NEB: variants seen among roughly 807,000 people sequenced by gnomAD.
The protein encoded by NEB is nemaline myopathy type 2.
A neutral mutation model predicts 952.2 loss-of-function variants in NEB; 512 were observed. The ratio of observed to expected loss-of-function variants is 0.54; its 90% confidence interval spans 0.50 to 0.58. The LOEUF (loss-of-function observed/expected upper bound fraction) is 0.58. NEB is among the 20% of genes least tolerant of loss of function. The pLI, the probability that NEB is intolerant of heterozygous loss-of-function variation, is 0.00. For synonymous variants in NEB, 2,900 were observed against 3,149.8 expected, an observed-to-expected ratio of 0.92 and a Z score of 2.66; for missense variants, 8,428 against 9,231.1, an observed-to-expected ratio of 0.91 and a Z score of 3.56.
chr2:151,516,340 G>C, intron 157 of NEB, 119 bp downstream of exon 157: 1 of 624,638 alleles, frequency 1.6e-6, no homozygotes, highest in South Asian at 2.4e-5. Context: ...GTGATCACAT[G>C]ATAAAAAGTT....
chr2:151,672,452 T>G lies in NEB; in HGVS notation c.4216A>C (p.Lys1406Gln). The change falls in exon 37 of 182, where the codon AAA becomes CAA. Residue 1406 changes from lysine to glutamine, a missense_variant. Lys to Gln is a moderately conservative substitution (Grantham distance 53). Coordinates refer to ENST00000397345, the MANE Select transcript of NEB (RefSeq NM_001164508.2). Reference protein sequence around the residue: ...AQDVATNVNYKQPLHHYTYLP... With the variant: ...AQDVATNVNYQQPLHHYTYLP... ...TATGTGTAATGATGCAATGGCTGTT[T>G]GTAGTTGACATTGGTAGCGACATCC... is the stretch of plus-strand genomic sequence containing the variant. The G allele has an allele frequency of 6.2e-7, 1 of 1,613,996 alleles. No homozygotes were observed. The highest frequency in any genetic ancestry group is 8.5e-7 in the Non-Finnish European group (1 of 1,179,860).
chr2:151,541,169 A>G (rs2094002874), intron 136 of NEB, among the ~76,000 whole-genome samples: 1 of 152,186 alleles, frequency 6.6e-6, no homozygotes, highest in South Asian at 2.1e-4. Context: ...GATAACAGGA[A>G]GATTCTATAG....
intron 107 of NEB, among the ~76,000 whole-genome samples, chr2:151,575,345 T>A (rs1250477721): frequency 6.6e-6 from 1 of 152,236 alleles, no homozygotes; most frequent in Non-Finnish European, 1.5e-5. Context: ...CATATATTTT[T>A]ACAAAGACTT....
At chr2:151,713,254 G>T (rs1228662457) in intron 10 of NEB, among the ~76,000 whole-genome samples, 1 of 152,196 alleles carries the variant, frequency 6.6e-6, no homozygotes, top group Non-Finnish European at 1.5e-5. Flanking sequence ...TACAAAGCCA[G>T]TTAATTACCC....
chr2:151,623,935 A>G (rs1301503948), intron 71 of NEB, among the ~76,000 whole-genome samples: 1 of 152,208 alleles, frequency 6.6e-6, no homozygotes, highest in Non-Finnish European at 1.5e-5. Context: ...TTCAAAGGAG[A>G]GAACACTTTT....
rs961699407 is a variant in NEB at position 151,663,504 on chromosome 2, T to A, written c.5763+44A>T. ...ATTGCTTATGGTCACTCATGGTTGCTTATTATCCAGAGTAAACGCTCTGCA... is the reference window on the plus strand; with the variant it reads ...ATTGCTTATGGTCACTCATGGTTGCATATTATCCAGAGTAAACGCTCTGCA... On this transcript the variant is annotated intron_variant, in intron 45 of 181. Coordinates refer to ENST00000397345, the MANE Select transcript of NEB (RefSeq NM_001164508.2). The A allele has an allele frequency of 5.8e-6, 9 of 1,539,006 alleles. No homozygotes were observed. The African/African-American group carries it at 9.6e-5, about 16-fold the overall frequency.
At position 151,724,971 on chromosome 2, in the gene NEB, T is replaced by C; in HGVS notation, c.403-10A>G. The C allele has an allele frequency of 6.2e-7, 1 of 1,603,086 alleles. No individual in the cohort carries two copies. The highest frequency in any genetic ancestry group is 1.1e-5 in the South Asian group (1 of 90,836). ...CCATTCGATACTTAACCTGCCCAAA[T>C]AATGCACAGTTAGAGTTCATGACAG... On this transcript the variant is annotated splice_polypyrimidine_tract_variant and intron_variant, in intron 6 of 181. Coordinates refer to ENST00000397345, the MANE Select transcript of NEB (RefSeq NM_001164508.2).
intron 41 of NEB, 32 bp from the exon 42 acceptor site, chr2:151,665,571 A>G (rs776532793): frequency 1.7e-5 from 25 of 1,509,924 alleles, no homozygotes; most frequent in Middle Eastern, 1.7e-4. Flanking sequence ...TTCATTTCAG[A>G]AAGAGTCAGG....
At position 151,665,320 on chromosome 2, in the gene NEB, G is replaced by C; in HGVS notation, c.5238+13C>G. The C allele has an allele frequency of 6.2e-7, 1 of 1,612,736 alleles. No individual in the cohort carries two copies. Among genetic ancestry groups the C allele is most frequent in the Non-Finnish European group, 8.5e-7 (1 of 1,179,152 alleles). Reference sequence around the variant, plus strand: ...GAGGGTTCCCTGGGCGAGGCTGGCAGGTGAGTCCTTACCTTGTCCATGTTC... The same window carrying C: ...GAGGGTTCCCTGGGCGAGGCTGGCACGTGAGTCCTTACCTTGTCCATGTTC... On this transcript the variant is annotated intron_variant, in intron 42 of 181. Transcript: ENST00000397345.
intron 73 of NEB, among the ~76,000 whole-genome samples, chr2:151,619,125 C>T (rs1042436220): frequency 6.6e-6 from 1 of 152,166 alleles, no homozygotes; most frequent in Non-Finnish European, 1.5e-5. Flanking sequence ...CAAACACACA[C>T]ATTTTTTTAC....
At position 151,650,626 on chromosome 2, in the gene NEB, G is replaced by C; in HGVS notation, c.7175C>G (p.Pro2392Arg). ...AGCTTGCACAACATCGTTCTGATCA[G>C]GCAGACATGTCCACTGATGCAGGTA... ...KNYLHQWTCL[P>R]DQNDVVQAKK... is the part of the protein sequence containing the mutation. Residue 2392 changes from proline (P) to arginine (R), a missense_variant, in exon 53 of 182, where the codon CCT becomes CGT. Pro to Arg is a moderately radical substitution (Grantham distance 103). Transcript: ENST00000397345. 6 of 1,610,298 alleles carry C rather than the reference G, an allele frequency of 3.7e-6. No individual in the cohort carries two copies. Among genetic ancestry groups the C allele is most frequent in the Non-Finnish European group, 5.1e-6 (6 of 1,177,604 alleles).
intron 81 of NEB, among the ~76,000 whole-genome samples, chr2:151,608,955 A>G (rs138602456): frequency 0.02 from 2,621 of 132,224 alleles, 541 homozygotes; most frequent in Non-Finnish European, 0.035. Context: ...ACATTTAATG[A>G]AAAAATTGGC....
chr2:151,667,998 T>C (rs2099241490), intron 39 of NEB, 87 bp from the exon 40 acceptor site: 1 of 951,412 alleles, frequency 1.1e-6, no homozygotes, highest in Non-Finnish European at 1.6e-6. Context: ...ATAAAACATG[T>C]CGTAATAGAT....
intron 107 of NEB, among the ~76,000 whole-genome samples, chr2:151,574,491 G>A (rs2096761105): frequency 6.6e-6 from 1 of 152,070 alleles, no homozygotes; most frequent in Non-Finnish European, 1.5e-5. Context: ...TCTTAACTAA[G>A]ATTTTATTTT....
chr2:151,569,192 T>G, intron 110 of NEB, 76 bp downstream of exon 110: 2 of 1,162,570 alleles, frequency 1.7e-6, no homozygotes, highest in East Asian at 4.7e-5. Context: ...TGATATTAGA[T>G]GACTATATTT....
chr2:151,522,021 T>C (rs571467230), intron 153 of NEB, among the ~76,000 whole-genome samples: 35 of 152,336 alleles, frequency 2.3e-4, no homozygotes, highest in African/African-American at 6.3e-4. Context: ...CTTTTTCCCA[T>C]TAACCATGGG....
chr2:151,531,841 T>A lies in NEB; in HGVS notation c.21473A>T (p.Asp7158Val). 1 of 1,613,220 alleles carries A rather than the reference T, an allele frequency of 6.2e-7. No homozygotes were observed. Among genetic ancestry groups the A allele is most frequent in the South Asian group, 1.1e-5 (1 of 90,866 alleles). Reference protein sequence around the residue: ...KSKDKFTSIVDTPEHLRTTKV... With the variant: ...KSKDKFTSIVVTPEHLRTTKV... ...TGTAGTACGCAGGTGTTCTGGAGTA[T>A]CCACAATTGAGGTAAATTTGTCCTT... Residue 7158 changes from aspartate (D) to valine (V), a missense_variant, in exon 144 of 182, where the codon GAT becomes GTT. Physicochemically the swap from Asp to Val is radical, Grantham distance 152. This residue lies in a region of NEB where 3,374 missense variants were observed against 3,651.5 expected (regional missense o/e 0.92). Coordinates refer to ENST00000397345, the MANE Select transcript of NEB (RefSeq NM_001164508.2).
chr2:151,719,688 G>A (rs2099768873), intron 9 of NEB, among the ~76,000 whole-genome samples: 1 of 152,152 alleles, frequency 6.6e-6, no homozygotes, highest in African/African-American at 2.4e-5. Context: ...AGACCAGCCA[G>A]GGCAATACGG....
At chr2:151,698,908 G>T in intron 13 of NEB, among the ~76,000 whole-genome samples, 1 of 144,014 alleles carries the variant, frequency 6.9e-6, no homozygotes, top group Non-Finnish European at 1.5e-5. Flanking sequence ...TAGGGTACAT[G>T]TGCACATTGT....
Sources: gnomAD v4.1 joint callset for allele counts (sites outside exome capture counted in the v4.1 genomes callset) on GRCh38, gnomAD v4.1.1 for gene constraint, gnomAD v4.1.1 regional missense constraint, MANE v1.5 for transcripts, NCBI Gene and HGNC (gene_info 2026-07-23, HGNC 2026-07-21) for gene names.